Variants in GABRA4 observed in about 807,000 individuals in gnomAD.
The protein encoded by GABRA4 is gamma-aminobutyric acid receptor subunit alpha-4.
GABRA4 carries 12 observed loss-of-function variants against 49.7 expected under a neutral mutation model. The observed-to-expected ratio is 0.24, with a 90% CI of 0.15 to 0.39. The LOEUF (loss-of-function observed/expected upper bound fraction) is 0.39. Ranked by LOEUF, GABRA4 falls within the 10% of genes least tolerant of loss-of-function variation. The pLI is 1.00. For missense variants in GABRA4, 506 were observed against 686.0 expected, an observed-to-expected ratio of 0.74 and a Z score of 2.93; for synonymous variants, 288 against 240.2, an observed-to-expected ratio of 1.20 and a Z score of -1.84.
chr4:46,950,247 C>T (rs962074256), intron 8 of GABRA4, among the ~76,000 whole-genome samples: 4 of 151,998 alleles, frequency 2.6e-5, no homozygotes, highest in African/African-American at 4.8e-5. Flanking sequence ...GCTAACAAAA[C>T]GATCCTACTG....
intron 8 of GABRA4, among the ~76,000 whole-genome samples, chr4:46,950,029 C>T (rs7695616): frequency 0.15 from 23,295 of 152,006 alleles, 1,985 homozygotes; most frequent in South Asian, 0.25. Flanking sequence ...AGGTAACCTC[C>T]TTGGTGCCAT....
chr4:46,971,544 T>C (rs996424937), intron 6 of GABRA4, among the ~76,000 whole-genome samples: 4 of 151,550 alleles, frequency 2.6e-5, no homozygotes, highest in African/African-American at 9.7e-5. Flanking sequence ...CAATTAGCTT[T>C]CATTTTCAGC....
chr4:46,993,368 G>A lies in GABRA4; in HGVS notation c.57C>T (p.Ala19=). The A allele has an allele frequency of 6.2e-7, 1 of 1,614,210 alleles. No individual in the cohort carries two copies. Among genetic ancestry groups the A allele is most frequent in the East Asian group, 2.2e-5 (1 of 44,874 alleles). The change falls in exon 1 of 9, where the codon GCC becomes GCT. Residue 19 remains alanine (A), a synonymous_variant. Transcript: ENST00000264318. The stretch of plus-strand genomic sequence containing the variant: ...CCGCCAGGCACAGGAAGCGCAGGAG[G>A]GCGAAACTGACCCCGGCGGACAGAG... ...AIALSAGVSF[A]LLRFLCLAVC...
chr4:46,927,178 C>T lies in GABRA4; in HGVS notation c.*1047G>A, dbSNP rs1369583275. ...AAGTCTTATATTGCCCTGATTTTTA[C>T]TTTCAAGTACATAATGCTTTTCACT... On this transcript the variant is annotated 3_prime_UTR_variant, in exon 9 of 9. Coordinates refer to ENST00000264318, the MANE Select transcript of GABRA4 (RefSeq NM_000809.4). 2.6e-5 allele frequency: 4 copies of T among 152,262 alleles called. No individual in the cohort carries two copies. Among genetic ancestry groups the T allele is most frequent in the South Asian group, 4.1e-4 (2 of 4,824 alleles). The allele number at this position is 152,262 out of a possible 1,614,324, so 9.4% of individuals were successfully genotyped here. A position where few individuals can be genotyped will look rare whatever the true frequency, so the allele number is the denominator to read the frequency against.
rs575498143 is a variant in GABRA4, at chr4:46,939,623, T to C, written c.1135-10868A>G. ...ATATACTCATGGAATTAAAAATACATGCTTATGAGATTTTTTTAAAAACAG... is the reference window on the plus strand; with the variant it reads ...ATATACTCATGGAATTAAAAATACACGCTTATGAGATTTTTTTAAAAACAG... On this transcript the variant is annotated intron_variant, in intron 8 of 8. Coordinates refer to ENST00000264318, the MANE Select transcript of GABRA4 (RefSeq NM_000809.4). Among the ~76,000 whole-genome samples, 15 of 152,128 alleles carry C rather than the reference T, an allele frequency of 9.9e-5. No individual in the cohort carries two copies. In the South Asian group the frequency reaches 2.9e-3, roughly 29 times the overall value.
chr4:46,941,611 A>G (rs1195013290), intron 8 of GABRA4, among the ~76,000 whole-genome samples: 1 of 152,136 alleles, frequency 6.6e-6, no homozygotes. Flanking sequence ...CATTATTTCT[A>G]TACTCAGATA....
rs188272844 is a variant in GABRA4 at position 46,973,419 on chromosome 4, C to T, written c.721+813G>A. On this transcript the variant is annotated intron_variant, in intron 6 of 8. Transcript: ENST00000264318. ...TTCATAGAAGGTACTATTCTGTGAA[C>T]GAAGAAATGGGTCCTCATTGAACAC... Among the ~76,000 whole-genome samples, 270 of 151,808 alleles carry T rather than the reference C, an allele frequency of 1.8e-3. 1 individual carries two copies. The highest frequency in any genetic ancestry group is 2.9e-3 in the Non-Finnish European group (194 of 67,820).
At chr4:46,979,168 T>C in intron 2 of GABRA4, 70 bp from the exon 3 acceptor site, 1 of 927,414 alleles carries the variant, frequency 1.1e-6, no homozygotes, top group Non-Finnish European at 1.8e-6. Flanking sequence ...GGTTAGATAA[T>C]TACAGAGTAA....
chr4:46,991,334 T>C (rs2109412835), intron 2 of GABRA4, among the ~76,000 whole-genome samples: 1 of 152,332 alleles, frequency 6.6e-6, no homozygotes, highest in Non-Finnish European at 1.5e-5. Context: ...CTTATATACA[T>C]CACTTTCCCT....
rs1553904345 is a variant in GABRA4, at chr4:46,959,834, A to ATG, written c.1134+5134_1134+5135dup. ...AAAAATTATGTATATATATATATAT[A>ATG]TGTGTGTGTGTGTGTGTATGTGTGT... On this transcript the variant is annotated intron_variant, in intron 8 of 8. Transcript: ENST00000264318. Among the ~76,000 whole-genome samples the ATG allele has an allele frequency of 6.4e-3, 899 of 140,234 alleles. 6 individuals carry two copies. Among genetic ancestry groups the ATG allele is most frequent in the East Asian group, 0.016 (78 of 4,754 alleles). 92.0% of individuals were successfully genotyped at this position (140,234 alleles called of 152,430 possible). A position where few individuals can be genotyped will look rare whatever the true frequency, so the allele number is the denominator to read the frequency against.
At chr4:46,961,315 A>G (rs561316458) in intron 8 of GABRA4, among the ~76,000 whole-genome samples, 1 of 151,970 alleles carries the variant, frequency 6.6e-6, no homozygotes, top group African/African-American at 2.4e-5. Context: ...TTCAGCTGGC[A>G]TCTCTCTGAG....
chr4:46,929,693 G>A (rs1577741189), intron 8 of GABRA4, among the ~76,000 whole-genome samples: 5 of 152,120 alleles, frequency 3.3e-5, no homozygotes, highest in Middle Eastern at 3.4e-3. Context: ...AAATACCCAC[G>A]TCTGAGTTTT....
At chr4:46,959,923 T>G (rs1266124429) in intron 8 of GABRA4, among the ~76,000 whole-genome samples, 2 of 150,668 alleles carry the variant, frequency 1.3e-5, no homozygotes, top group Non-Finnish European at 3.0e-5. Context: ...TGAGGAGTGT[T>G]AGTAGCTACA....
rs530338334 is a variant in GABRA4 at position 46,969,235 on chromosome 4, T to A, written c.874+1848A>T. Among the ~76,000 whole-genome samples, 3 of 151,522 alleles carry A rather than the reference T, an allele frequency of 2.0e-5. No homozygotes were observed. The East Asian group carries it at 5.9e-4, about 30-fold the overall frequency. ...ACCTATGATGGATCGTTAATTGCTGTTCTACACACTCTTTAGGATCATTTA... is the reference window on the plus strand; with the variant it reads ...ACCTATGATGGATCGTTAATTGCTGATCTACACACTCTTTAGGATCATTTA... On this transcript the variant is annotated intron_variant, in intron 7 of 8. Transcript: ENST00000264318.
intron 2 of GABRA4, among the ~76,000 whole-genome samples, chr4:46,989,991 AAC>A (rs945226382): frequency 3.0e-4 from 45 of 152,222 alleles, no homozygotes; most frequent in African/African-American, 1.0e-3. Flanking sequence ...ATAAACAGAA[AAC>A]ACATTTTCTG....
chr4:46,961,634 T>G (rs1330461832), intron 8 of GABRA4, among the ~76,000 whole-genome samples: 1 of 151,910 alleles, frequency 6.6e-6, no homozygotes, highest in Non-Finnish European at 1.5e-5. Flanking sequence ...CGATCTGTTA[T>G]CTATAGAGAA....
At position 46,921,739 on chromosome 4, in the gene GABRA4, A is replaced by G. The variant is rs916688589; in HGVS notation, c.*6486T>C. ...TAAAGGTGGTGAAATAAAAATATTT[A>G]TAATTCACTCCCCACCTAAGACAGT... On this transcript the variant is annotated 3_prime_UTR_variant, in exon 9 of 9. Transcript: ENST00000264318. 6 of 152,114 alleles carry G rather than the reference A, an allele frequency of 3.9e-5. No homozygotes were observed. The highest frequency in any genetic ancestry group is 1.4e-4 in the African/African-American group (6 of 41,452). The allele number at this position is 152,114 out of a possible 1,614,324, so 9.4% of individuals were successfully genotyped here.
At chr4:46,978,920 C>T in intron 3 of GABRA4, 111 bp downstream of exon 3, 1 of 727,868 alleles carries the variant, frequency 1.4e-6, no homozygotes, top group South Asian at 1.6e-5. Context: ...ATTAGGGATT[C>T]TTTAGGTTTC....
chr4:46,959,447 C>A (rs753868532), intron 8 of GABRA4, among the ~76,000 whole-genome samples: 12 of 151,842 alleles, frequency 7.9e-5, no homozygotes, highest in Admixed American at 6.6e-5. Flanking sequence ...ATGGTATAAT[C>A]CTATGTCCTT....
Sources: gnomAD v4.1 joint callset for allele counts (sites outside exome capture counted in the v4.1 genomes callset) on GRCh38, gnomAD v4.1.1 for gene constraint, MANE v1.5 for transcripts, NCBI Gene and HGNC (gene_info 2026-07-23, HGNC 2026-07-21) for gene names.